ZNF554: variants seen among roughly 807,000 people sequenced by gnomAD.
ZNF554 encodes zinc finger protein 554.
ZNF554 carries 15 observed loss-of-function variants against 21.2 expected under a neutral mutation model. That is an observed-to-expected ratio of 0.71 (90% CI 0.47 to 1.09). ZNF554 has a LOEUF of 1.09. Among genes scored for constraint, ZNF554 ranks in the 50% least tolerant of loss-of-function variants. ZNF554 has a pLI of 0.00. For missense variants in ZNF554, 691 were observed against 662.7 expected (o/e 1.04, Z -0.47); for synonymous variants, 258 against 251.4 (o/e 1.03, Z -0.25).
Position 2,833,734 on chromosome 19 carries a change from C to A in ZNF554, c.499C>A (p.Gln167Lys). The change falls in exon 5 of 5, where the codon CAG becomes AAG. Residue 167 changes from glutamine (Q) to lysine (K), a missense_variant. Transcript: ENST00000317243. ...QDSTYKKVAL[Q>K]EEPASGINMI... ...CTCAACTTACAAGAAGGTGGCTTTGCAGGAGGAACCAGCCAGTGGTATAAA... is the reference window on the plus strand; with the variant it reads ...CTCAACTTACAAGAAGGTGGCTTTGAAGGAGGAACCAGCCAGTGGTATAAA... 6.4e-7 allele frequency: 1 copy of A among 1,554,610 alleles called. No individual in the cohort carries two copies. Among genetic ancestry groups the A allele is most frequent in the Admixed American group, 2.1e-5 (1 of 48,238 alleles).
At chr19:2,820,749 C>T (rs1373006594) in intron 1 of ZNF554, among the ~76,000 whole-genome samples, 1 of 145,226 alleles carries the variant, frequency 6.9e-6, no homozygotes, top group South Asian at 2.1e-4. Context: ...ACTGCAACCT[C>T]CGCCTCCCGG....
rs936112784 is a variant in ZNF554, at chr19:2,836,133, G to T, written c.*1281G>T. Among the ~76,000 whole-genome samples the T allele has an allele frequency of 1.3e-5, 2 of 151,584 alleles. No homozygotes were observed. Among genetic ancestry groups the T allele is most frequent in the Non-Finnish European group, 2.9e-5 (2 of 67,894 alleles). On this transcript the variant is annotated 3_prime_UTR_variant, in exon 5 of 5. Coordinates refer to ENST00000317243, the MANE Select transcript of ZNF554 (RefSeq NM_001102651.2). ...ATTACAGGTGTGAGCCACCGTGCTG[G>T]TATTACGGGTGTGAGCCACTGTGCT...
Position 2,834,448 on chromosome 19 carries a change from G to A in ZNF554, c.1213G>A (p.Glu405Lys). The A allele has an allele frequency of 6.2e-7, 1 of 1,613,990 alleles. No homozygotes were observed. The change falls in exon 5 of 5, where the codon GAA becomes AAA. Residue 405 changes from glutamate (E) to lysine (K), a missense_variant. Physicochemically the swap from Glu to Lys is moderately conservative, Grantham distance 56. Coordinates refer to ENST00000317243, the MANE Select transcript of ZNF554 (RefSeq NM_001102651.2). ...TCAGCATCAGAGGATTCACACCGGG[G>A]AAAAGCCCTATAAATGTGAAGACTG... ...LTQHQRIHTG[E>K]KPYKCEDCGK...
chr19:2,834,418 C>A lies in ZNF554; in HGVS notation c.1183C>A (p.Leu395Met). Residue 395 changes from leucine to methionine, a missense_variant, in exon 5 of 5, where the codon CTG becomes ATG. Coordinates refer to ENST00000317243, the MANE Select transcript of ZNF554 (RefSeq NM_001102651.2). Reference sequence around the variant, plus strand: ...GAAAGCCTTCAACAGGATCTCATCGCTGACTCAGCATCAGAGGATTCACAC... The same window carrying A: ...GAAAGCCTTCAACAGGATCTCATCGATGACTCAGCATCAGAGGATTCACAC... ...CGKAFNRISS[L>M]TQHQRIHTGE... 1.2e-6 allele frequency: 2 copies of A among 1,613,950 alleles called. No individual in the cohort carries two copies. Among genetic ancestry groups the A allele is most frequent in the Non-Finnish European group, 1.7e-6 (2 of 1,180,004 alleles).
intron 3 of ZNF554, among the ~76,000 whole-genome samples, chr19:2,828,055 C>G (rs2087359184): frequency 6.6e-6 from 1 of 152,146 alleles, no homozygotes; most frequent in Non-Finnish European, 1.5e-5. Flanking sequence ...CCACCTCCGC[C>G]ATGATTCAGT....
At chr19:2,828,090 A>T (rs2087359910) in intron 3 of ZNF554, among the ~76,000 whole-genome samples, 1 of 152,148 alleles carries the variant, frequency 6.6e-6, no homozygotes, top group African/African-American at 2.4e-5. Flanking sequence ...TCCACCCTTG[A>T]CGTCGGGATT....
chr19:2,827,175 ATAAAATTCTTCTTTC>A (rs2087346736), intron 2 of ZNF554, among the ~76,000 whole-genome samples: 3 of 152,220 alleles, frequency 2.0e-5, no homozygotes, highest in Non-Finnish European at 2.9e-5. Context: ...CACACTTTGG[ATAAAATTCTTCTTTC>A]CATTGAACAG....
intron 2 of ZNF554, among the ~76,000 whole-genome samples, chr19:2,823,639 C>T (rs1035013231): frequency 6.6e-6 from 1 of 152,168 alleles, no homozygotes; most frequent in South Asian, 2.1e-4. Context: ...TAGCTCCTCT[C>T]TGAAGCTCTC....
In ZNF554 at chr19:2,836,298, A is replaced by T. The variant is rs1408258446; in HGVS notation, c.*1446A>T. On this transcript the variant is annotated 3_prime_UTR_variant, in exon 5 of 5. Coordinates refer to ENST00000317243, the MANE Select transcript of ZNF554 (RefSeq NM_001102651.2). ...TACGGGCGCGAGCCACTGTGCTGGGATTACAGGTGTGAGCCACCCTGCTGG... is the reference window on the plus strand; with the variant it reads ...TACGGGCGCGAGCCACTGTGCTGGGTTTACAGGTGTGAGCCACCCTGCTGG... Among the ~76,000 whole-genome samples, 1 of 151,872 alleles carries T rather than the reference A, an allele frequency of 6.6e-6. No individual in the cohort carries two copies. Among genetic ancestry groups the T allele is most frequent in the East Asian group, 1.9e-4 (1 of 5,162 alleles).
chr19:2,835,059 C>T lies in ZNF554; in HGVS notation c.*207C>T, dbSNP rs979103658. ...TGCCACCCAGGCTGGAGTCCAGTGG[C>T]GTGATCATACCTCACTGCAGCTTCA... On this transcript the variant is annotated 3_prime_UTR_variant, in exon 5 of 5. Coordinates refer to ENST00000317243, the MANE Select transcript of ZNF554 (RefSeq NM_001102651.2). 6.9e-5 allele frequency: 37 copies of T among 537,124 alleles called. No individual in the cohort carries two copies. The highest frequency in any genetic ancestry group is 1.1e-4 in the African/African-American group (6 of 52,814). The allele number at this position is 537,124 out of a possible 1,614,324, so 33.3% of individuals were successfully genotyped here. A position where few individuals can be genotyped will look rare whatever the true frequency, so the allele number is the denominator to read the frequency against.
chr19:2,827,832 C>A, intron 3 of ZNF554, 89 bp downstream of exon 3: 1 of 1,511,110 alleles, frequency 6.6e-7, no homozygotes, highest in Admixed American at 2.0e-5. Context: ...AAAGAAATAC[C>A]CAAGACTGGG....
intron 3 of ZNF554, among the ~76,000 whole-genome samples, chr19:2,828,322 C>G (rs2087363776): frequency 6.6e-6 from 1 of 152,194 alleles, no homozygotes; most frequent in East Asian, 1.9e-4. Flanking sequence ...CATGTCTCAG[C>G]TCAGGCATAG....
intron 2 of ZNF554, among the ~76,000 whole-genome samples, chr19:2,826,025 C>T (rs532857665): frequency 5.3e-5 from 8 of 150,980 alleles, no homozygotes; most frequent in South Asian, 2.1e-4. Context: ...CTCAGCCTCC[C>T]GAGTAGCTGC....
chr19:2,827,780 T>G, intron 3 of ZNF554, 37 bp downstream of exon 3: 1 of 1,612,330 alleles, frequency 6.2e-7, no homozygotes, highest in Middle Eastern at 1.7e-4. Context: ...GTTCATTGAT[T>G]CACATTTATC....
chr19:2,835,990 C>T lies in ZNF554; in HGVS notation c.*1138C>T, dbSNP rs747057004. Among the ~76,000 whole-genome samples the T allele has an allele frequency of 5.9e-5, 9 of 152,046 alleles. No homozygotes were observed. The highest frequency in any genetic ancestry group is 1.2e-4 in the Non-Finnish European group (8 of 68,016). On this transcript the variant is annotated 3_prime_UTR_variant, in exon 5 of 5. Transcript: ENST00000317243. Reference sequence around the variant, plus strand: ...ACTACACATGTGCACCGCTACCACACCCAGCTAAATTTTTTTTTTGTATTT... The same window carrying T: ...ACTACACATGTGCACCGCTACCACATCCAGCTAAATTTTTTTTTTGTATTT...
At position 2,832,310 on chromosome 19, in the gene ZNF554, G is replaced by C; in HGVS notation, c.261G>C (p.Leu87Phe). The change falls in exon 4 of 5, where the codon TTG becomes TTC. Residue 87 changes from leucine (L) to phenylalanine (F), a missense_variant. Transcript: ENST00000317243. ...TACTCTTGTCTTTTTCAGAAGCCTT[G>C]AAGAACCAATGTACTGATGTGGGGA... ...NYRNVVSLEA[L>F]KNQCTDVGIK... 6.3e-7 allele frequency: 1 copy of C among 1,581,718 alleles called. No individual in the cohort carries two copies. The highest frequency in any genetic ancestry group is 8.5e-7 in the Non-Finnish European group (1 of 1,169,962).
intron 2 of ZNF554, among the ~76,000 whole-genome samples, chr19:2,825,370 G>A (rs2087318253): frequency 6.6e-6 from 1 of 152,140 alleles, no homozygotes; most frequent in Non-Finnish European, 1.5e-5. Flanking sequence ...AAGTGCAGTG[G>A]CACAATCTCA....
At chr19:2,822,213 G>A (rs1178945969) in intron 1 of ZNF554, among the ~76,000 whole-genome samples, 1 of 151,368 alleles carries the variant, frequency 6.6e-6, no homozygotes, top group Non-Finnish European at 1.5e-5. Flanking sequence ...ACCACACCTG[G>A]CTATTTTTTT....
intron 3 of ZNF554, among the ~76,000 whole-genome samples, chr19:2,830,334 T>G (rs573124301): frequency 1.3e-5 from 2 of 152,350 alleles, no homozygotes; most frequent in East Asian, 3.9e-4. Flanking sequence ...TTGTAGCCTG[T>G]GTCAGTGCTT....
Sources: allele counts gnomAD v4.1 joint callset (sites outside exome capture counted in the v4.1 genomes callset), GRCh38; gene constraint gnomAD v4.1.1; transcripts MANE v1.5; gene names NCBI Gene and HGNC (gene_info 2026-07-23, HGNC 2026-07-21).